ERBB4: variants seen among roughly 807,000 people sequenced by gnomAD.
ERBB4 encodes the protein erb-b2 receptor tyrosine kinase 4, also known as receptor tyrosine-protein kinase erbB-4.
Under a neutral mutation model 158.0 loss-of-function variants are expected in ERBB4, and 42 were observed. The ratio of observed to expected loss-of-function variants is 0.27; its 90% CI spans 0.21 to 0.34. The LOEUF is 0.34. ERBB4 is among the 10% of genes least tolerant of loss of function. ERBB4 has a pLI of 1.00. For synonymous variants in ERBB4, 583 were observed against 558.7 expected, an observed-to-expected ratio of 1.04 and a Z score of -0.61; for missense variants, 1,333 against 1,624.1, an observed-to-expected ratio of 0.82 and a Z score of 3.08.
chr2:211,510,834 T>A (rs2065867939), intron 20 of ERBB4, among the ~76,000 whole-genome samples: 1 of 152,072 alleles, frequency 6.6e-6, no homozygotes, highest in Non-Finnish European at 1.5e-5. Context: ...TTTGAAAGAA[T>A]ATGACAATCT....
intron 1 of ERBB4, among the ~76,000 whole-genome samples, chr2:212,281,159 A>G (rs2085744404): frequency 6.6e-6 from 1 of 151,686 alleles, no homozygotes; most frequent in African/African-American, 2.4e-5. Flanking sequence ...ACCGTCACAG[A>G]TCTCAATTTG....
At chr2:211,607,375 A>G (rs190197346) in intron 19 of ERBB4, among the ~76,000 whole-genome samples, 1 of 152,280 alleles carries the variant, frequency 6.6e-6, no homozygotes, top group East Asian at 1.9e-4. Context: ...GGGACTCCCA[A>G]AGAACTCTGT....
At chr2:212,037,729 T>C (rs2125364179) in intron 2 of ERBB4, among the ~76,000 whole-genome samples, 1 of 152,294 alleles carries the variant, frequency 6.6e-6, no homozygotes, top group East Asian at 1.9e-4. Context: ...CTTTTTGAAG[T>C]CAGGGGAAGG....
rs530898249 is a variant in ERBB4 at position 212,225,834 on chromosome 2, C to T, written c.83-100931G>A. 2.0e-5 allele frequency among the ~76,000 whole-genome samples: 3 copies of T among 151,998 alleles called. No individual in the cohort carries two copies. The East Asian group carries it at 5.8e-4, about 30-fold the overall frequency. On this transcript the variant is annotated intron_variant, in intron 1 of 27. Coordinates refer to ENST00000342788, the MANE Select transcript of ERBB4 (RefSeq NM_005235.3). ...ATAACAGGCTGAATCCTCAGATGACCCCCAAGAATCCTGCTCTGTGTTCAG... is the reference window on the plus strand; with the variant it reads ...ATAACAGGCTGAATCCTCAGATGACTCCCAAGAATCCTGCTCTGTGTTCAG...
chr2:212,030,711 G>A (rs780601527), intron 2 of ERBB4, among the ~76,000 whole-genome samples: 1 of 152,110 alleles, frequency 6.6e-6, no homozygotes, highest in Non-Finnish European at 1.5e-5. Context: ...CAATGGGCAA[G>A]GGAACTGGGG....
intron 20 of ERBB4, among the ~76,000 whole-genome samples, chr2:211,522,235 C>T (rs1249012673): frequency 6.6e-6 from 1 of 152,110 alleles, no homozygotes; most frequent in Non-Finnish European, 1.5e-5. Flanking sequence ...AAAAGAGCAA[C>T]ATTAACAGGA....
chr2:212,300,553 T>C (rs1469142964), intron 1 of ERBB4, among the ~76,000 whole-genome samples: 1 of 151,482 alleles, frequency 6.6e-6, no homozygotes, highest in Non-Finnish European at 1.5e-5. Context: ...ACAAAAAATA[T>C]CAAGAAAACT....
At chr2:211,746,471 AATT>A (rs2074976018) in intron 5 of ERBB4, among the ~76,000 whole-genome samples, 1 of 152,024 alleles carries the variant, frequency 6.6e-6, no homozygotes, top group Non-Finnish European at 1.5e-5. Context: ...TTGATACATG[AATT>A]ATAACTTGAT....
chr2:211,677,371 C>A (rs1458213405), intron 13 of ERBB4, among the ~76,000 whole-genome samples: 6 of 151,084 alleles, frequency 4.0e-5, no homozygotes, highest in Non-Finnish European at 8.8e-5. Flanking sequence ...TCGAGACTAG[C>A]CTGACCAACA....
chr2:212,160,984 G>A (rs2081186657), intron 1 of ERBB4, among the ~76,000 whole-genome samples: 1 of 151,910 alleles, frequency 6.6e-6, no homozygotes, highest in South Asian at 2.1e-4. Flanking sequence ...TAACAAAGTA[G>A]AGTGAAATAA....
intron 1 of ERBB4, among the ~76,000 whole-genome samples, chr2:212,505,647 C>T (rs1458428276): frequency 6.7e-6 from 1 of 148,942 alleles, no homozygotes; most frequent in Non-Finnish European, 1.5e-5. Flanking sequence ...GATATAATGT[C>T]TCCTACAGGG....
chr2:212,331,071 T>TATATATATATATATATATATATAC (rs147932949), intron 1 of ERBB4, among the ~76,000 whole-genome samples: 44 of 120,062 alleles, frequency 3.7e-4, no homozygotes, highest in South Asian at 1.1e-3. Context: ...TATATATATA[T>TATATATATATATATATATATATAC]ACACATATAT....
At chr2:211,400,058 A>G (rs1262783469) in intron 25 of ERBB4, among the ~76,000 whole-genome samples, 1 of 152,176 alleles carries the variant, frequency 6.6e-6, no homozygotes, top group Non-Finnish European at 1.5e-5. Flanking sequence ...GAAATTCTAA[A>G]TCAAAATTAC....
At chr2:211,540,203 T>TAC (rs1188919368) in intron 20 of ERBB4, among the ~76,000 whole-genome samples, 9 of 82,988 alleles carry the variant, frequency 1.1e-4, no homozygotes, top group Non-Finnish European at 1.9e-4. Flanking sequence ...TATATATATA[T>TAC]ATACACACAC....
intron 2 of ERBB4, among the ~76,000 whole-genome samples, chr2:212,052,576 T>C (rs2077430162): frequency 6.6e-6 from 1 of 152,202 alleles, no homozygotes; most frequent in Admixed American, 6.5e-5. Flanking sequence ...TTACTTAAAA[T>C]GTGAAACCAG....
chr2:212,190,717 T>C (rs1171083850), intron 1 of ERBB4, among the ~76,000 whole-genome samples: 2 of 152,168 alleles, frequency 1.3e-5, no homozygotes, highest in Non-Finnish European at 2.9e-5. Flanking sequence ...GAAACCCTGT[T>C]AATCTATTTC....
At chr2:211,622,740 T>A (rs1293234367) in intron 18 of ERBB4, among the ~76,000 whole-genome samples, 1 of 150,490 alleles carries the variant, frequency 6.6e-6, no homozygotes, top group Non-Finnish European at 1.5e-5. Flanking sequence ...CCAAGGCGGG[T>A]AGATCACTTG....
chr2:211,866,553 T>C (rs940389482), intron 3 of ERBB4, among the ~76,000 whole-genome samples: 1 of 152,132 alleles, frequency 6.6e-6, no homozygotes, highest in Non-Finnish European at 1.5e-5. Context: ...AATGCAACAA[T>C]TGCTCTACTC....
chr2:211,434,711 G>A (rs1056278135), intron 20 of ERBB4, among the ~76,000 whole-genome samples: 1 of 152,134 alleles, frequency 6.6e-6, no homozygotes, highest in Non-Finnish European at 1.5e-5. Context: ...TCCAGAAAAG[G>A]TACTTTCTTC....
Sources: gnomAD v4.1 joint callset for allele counts (sites outside exome capture counted in the v4.1 genomes callset) on GRCh38, gnomAD v4.1.1 for gene constraint, MANE v1.5 for transcripts, NCBI Gene and HGNC (gene_info 2026-07-23, HGNC 2026-07-21) for gene names.